Variants in MOV10L1 observed in about 807,000 individuals in gnomAD.
The protein encoded by MOV10L1 is Mov10 like RNA helicase 1.
A neutral mutation model predicts 143.8 loss-of-function variants in MOV10L1; 110 were observed. The observed-to-expected ratio is 0.76, with a 90% CI of 0.66 to 0.90. The LOEUF is 0.90. Ranked by LOEUF, MOV10L1 falls within the 40% of genes least tolerant of loss-of-function variation. MOV10L1 has a pLI of 0.00. For missense variants in MOV10L1, 1,406 were observed against 1,526.8 expected (o/e 0.92, Z 1.32); for synonymous variants, 593 against 581.1 (o/e 1.02, Z -0.29).
intron 3 of MOV10L1, among the ~76,000 whole-genome samples, chr22:50,099,835 A>G (rs1181966896): frequency 6.6e-6 from 1 of 152,108 alleles, no homozygotes; most frequent in Non-Finnish European, 1.5e-5. Context: ...GGCTACACAC[A>G]ACATTGAAGG....
Position 50,150,848 on chromosome 22 carries a change from C to G in MOV10L1, c.2841C>G (p.Tyr947Ter). The change falls in exon 21 of 27, where the codon TAC becomes TAG. Residue 947 changes from tyrosine to a stop codon, truncating the protein, a stop_gained. Coordinates refer to ENST00000262794, the MANE Select transcript of MOV10L1 (RefSeq NM_018995.3). LOFTEE classifies it high-confidence loss of function. The part of the protein sequence containing the change: ...FLERLMSRPA[Y>*]QRDENAFGAC... ...AACGGCTGATGTCTCGACCCGCGTA[C>G]CAGAGGGACGAAAATGCTTTCGGTG... 6.2e-7 allele frequency: 1 copy of G among 1,614,224 alleles called. No individual in the cohort carries two copies. The highest frequency in any genetic ancestry group is 8.5e-7 in the Non-Finnish European group (1 of 1,180,040).
intron 8 of MOV10L1, 145 bp from the exon 9 acceptor site, chr22:50,117,012 A>T: frequency 6.5e-6 from 5 of 770,170 alleles, no homozygotes; most frequent in Non-Finnish European, 1.0e-5. Flanking sequence ...ATTTTAGAAG[A>T]TCTCTTTTTT....
At chr22:50,157,909 C>T in intron 22 of MOV10L1, 148 bp from the exon 23 acceptor site, 1 of 931,148 alleles carries the variant, frequency 1.1e-6, no homozygotes, top group Non-Finnish European at 1.6e-6. Context: ...ATGCCATCTG[C>T]CCTGCTCACA....
Position 50,113,640 on chromosome 22 carries a change from T to C in MOV10L1, c.744-8T>C. On this transcript the variant is annotated splice_region_variant and splice_polypyrimidine_tract_variant and intron_variant, in intron 5 of 26. Coordinates refer to ENST00000262794, the MANE Select transcript of MOV10L1 (RefSeq NM_018995.3). ...CAGAGGGATGTCTTTCTGGGGCTCTTTTTTCAGAGACGCCGCCCCTGTTCA... is the reference window on the plus strand; with the variant it reads ...CAGAGGGATGTCTTTCTGGGGCTCTCTTTTCAGAGACGCCGCCCCTGTTCA... 1.9e-6 allele frequency: 3 copies of C among 1,612,464 alleles called. No individual in the cohort carries two copies. Among genetic ancestry groups the C allele is most frequent in the South Asian group, 2.2e-5 (2 of 90,834 alleles).
chr22:50,090,388 C>T (rs2146972612), intron 1 of MOV10L1: 2 of 1,553,946 alleles, frequency 1.3e-6, no homozygotes, highest in East Asian at 2.4e-5. Flanking sequence ...GGGCGCCCGT[C>T]CTCTGTGAGG....
At position 50,161,597 on chromosome 22, in the gene MOV10L1, C is replaced by T; in HGVS notation, c.*148C>T. On this transcript the variant is annotated 3_prime_UTR_variant, in exon 27 of 27. Coordinates refer to ENST00000262794, the MANE Select transcript of MOV10L1 (RefSeq NM_018995.3). ...GGGGCTGCCAGGTTGGACGCAGCTG[C>T]TGCTGCCCTGACTTTGGCATATGCC... 1 of 746,584 alleles carries T rather than the reference C, an allele frequency of 1.3e-6. No homozygotes were observed. Among genetic ancestry groups the T allele is most frequent in the South Asian group, 1.9e-5 (1 of 51,532 alleles). The allele number at this position is 746,584 out of a possible 1,614,324, so 46.2% of individuals were successfully genotyped here.
chr22:50,110,701 C>A (rs975304031), intron 5 of MOV10L1, among the ~76,000 whole-genome samples: 4 of 152,020 alleles, frequency 2.6e-5, no homozygotes. Flanking sequence ...GAGGCCAAGG[C>A]GGGCGGATTG....
rs375094899 is a variant in MOV10L1, at chr22:50,092,044, C to T, written c.141C>T (p.Tyr47=). Residue 47 remains tyrosine (Y), a synonymous_variant, in exon 2 of 27, where the codon TAC becomes TAT. Transcript: ENST00000262794. The part of the protein sequence containing the change: ...LKTVRGVVTR[Y]CSDYGMIDDM... ...CTGTACGGGGTGTCGTGACAAGGTACTGCAGCGATTATGGCATGATTGATG... is the reference window on the plus strand; with the variant it reads ...CTGTACGGGGTGTCGTGACAAGGTATTGCAGCGATTATGGCATGATTGATG... 54 of 1,614,080 alleles carry T rather than the reference C, an allele frequency of 3.3e-5. No homozygotes were observed. The highest frequency in any genetic ancestry group is 1.1e-4 in the African/African-American group (8 of 74,926).
At chr22:50,129,879 G>T (rs2062622148) in intron 13 of MOV10L1, among the ~76,000 whole-genome samples, 1 of 152,086 alleles carries the variant, frequency 6.6e-6, no homozygotes, top group South Asian at 2.1e-4. Flanking sequence ...TTTTTATTGA[G>T]TAATTTATCC....
intron 10 of MOV10L1, among the ~76,000 whole-genome samples, chr22:50,124,639 C>T (rs2062442241): frequency 6.6e-6 from 1 of 152,222 alleles, no homozygotes; most frequent in South Asian, 2.1e-4. Context: ...CATGCTGAGG[C>T]CCTGGTCTGG....
At chr22:50,149,224 G>A (rs1298103160) in intron 19 of MOV10L1, among the ~76,000 whole-genome samples, 1 of 152,232 alleles carries the variant, frequency 6.6e-6, no homozygotes. Flanking sequence ...CTCAGAGAGG[G>A]GAAGTCAGGA....
intron 9 of MOV10L1, among the ~76,000 whole-genome samples, chr22:50,118,707 A>G (rs951272984): frequency 2.0e-5 from 3 of 152,174 alleles, no homozygotes. Context: ...ATGCTACCTC[A>G]TGGGTCACAT....
chr22:50,096,301 C>T (rs918328066), intron 2 of MOV10L1: 3 of 152,228 alleles, frequency 2.0e-5, no homozygotes, highest in Admixed American at 6.5e-5. Context: ...TCAAGATTTG[C>T]CCATGTAGCA....
intron 24 of MOV10L1, among the ~76,000 whole-genome samples, chr22:50,160,032 G>A (rs935819867): frequency 2.6e-5 from 4 of 152,150 alleles, no homozygotes; most frequent in African/African-American, 9.7e-5. Flanking sequence ...TGAATGCCTT[G>A]GAGAAGGAGG....
intron 10 of MOV10L1, among the ~76,000 whole-genome samples, chr22:50,123,215 A>C (rs976785971): frequency 6.9e-6 from 1 of 145,908 alleles, no homozygotes; most frequent in Non-Finnish European, 1.5e-5. Context: ...AAAAAAAAAA[A>C]AAATTCAATT....
In MOV10L1 at chr22:50,115,151, C is replaced by T. The variant is rs1401390097; in HGVS notation, c.1164C>T (p.Asp388=). ...CTCKGENGEK[D]NILSRKQMTE... is the part of the protein sequence containing the mutation. ...GTAAAGGAGAAAATGGAGAAAAAGA[C>T]AACATTCTATCAAGGAAGCAGATGA... The change falls in exon 8 of 27, where the codon GAC becomes GAT. Residue 388 remains aspartate (D), a synonymous_variant. Coordinates refer to ENST00000262794, the MANE Select transcript of MOV10L1 (RefSeq NM_018995.3). 1 of 1,569,678 alleles carries T rather than the reference C, an allele frequency of 6.4e-7. No homozygotes were observed. The highest frequency in any genetic ancestry group is 1.4e-5 in the African/African-American group (1 of 71,382).
At chr22:50,151,842 C>T (rs2063305517) in intron 21 of MOV10L1, among the ~76,000 whole-genome samples, 1 of 152,254 alleles carries the variant, frequency 6.6e-6, no homozygotes, top group South Asian at 2.1e-4. Context: ...GCCACAGGTA[C>T]AGAAAGACCC....
At chr22:50,128,307 A>T (rs1434114199) in intron 12 of MOV10L1, 109 bp from the exon 13 acceptor site, 1 of 661,830 alleles carries the variant, frequency 1.5e-6, no homozygotes, top group African/African-American at 1.8e-5. Context: ...AATTTTGCAG[A>T]TATCAAATTT....
Position 50,159,923 on chromosome 22 carries a change from A to G in MOV10L1, c.3324+138A>G. Reference sequence around the variant, plus strand: ...CTGCAGGCGGAGACTCCCTAGGTCCAGGAGCCATTGTAAGCAGTGGCTGTG... The same window carrying G: ...CTGCAGGCGGAGACTCCCTAGGTCCGGGAGCCATTGTAAGCAGTGGCTGTG... On this transcript the variant is annotated intron_variant, in intron 24 of 26. Transcript: ENST00000262794. The surrounding 1 kb of genome is among the most constrained non-coding windows in gnomAD (Gnocchi z 4.1). 1.6e-6 allele frequency: 1 copy of G among 615,470 alleles called. No individual in the cohort carries two copies. Among genetic ancestry groups the G allele is most frequent in the Non-Finnish European group, 2.9e-6 (1 of 348,202 alleles). The allele number at this position is 615,470 out of a possible 1,614,324, so 38.1% of individuals were successfully genotyped here. A position where few individuals can be genotyped will look rare whatever the true frequency, so the allele number is the denominator to read the frequency against.
Sources: allele counts gnomAD v4.1 joint callset (sites outside exome capture counted in the v4.1 genomes callset), GRCh38; gene constraint gnomAD v4.1.1; non-coding constraint Gnocchi (gnomAD v3.1); transcripts MANE v1.5; gene names NCBI Gene and HGNC (gene_info 2026-07-23, HGNC 2026-07-21).